RERE: variants seen among roughly 807,000 people sequenced by gnomAD.
The protein encoded by RERE is arginine-glutamic acid dipeptide repeats protein.
In RERE, 40 loss-of-function variants were observed where a neutral mutation model predicts 146.1. That is an observed-to-expected ratio of 0.27 (90% CI 0.21 to 0.36). The LOEUF is 0.36. Ranked by LOEUF, RERE falls within the 10% of genes least tolerant of loss-of-function variation. The probability of loss-of-function intolerance (pLI) is 1.00; values close to 1 mark genes in which losing one functional copy is unlikely to be tolerated. For synonymous variants in RERE, 1,003 were observed against 866.0 expected, an observed-to-expected ratio of 1.16 and a Z score of -2.78; for missense variants, 1,933 against 2,138.7, an observed-to-expected ratio of 0.90 and a Z score of 1.90.
chr1:8,437,201 G>A (rs542787127), intron 11 of RERE, among the ~76,000 whole-genome samples: 2 of 152,254 alleles, frequency 1.3e-5, no homozygotes, highest in East Asian at 1.9e-4. Flanking sequence ...AGGGCCTTCC[G>A]TCAGCTCCTG....
intron 1 of RERE, among the ~76,000 whole-genome samples, chr1:8,742,447 G>A (rs990731044): frequency 2.0e-5 from 3 of 152,164 alleles, no homozygotes; most frequent in African/African-American, 7.2e-5. Flanking sequence ...CCGTAATAGT[G>A]AGTAGCAATC....
chr1:8,566,857 C>T (rs1435212032), intron 4 of RERE, among the ~76,000 whole-genome samples: 3 of 149,444 alleles, frequency 2.0e-5, no homozygotes, highest in African/African-American at 7.4e-5. Context: ...GTGGTGCGAT[C>T]TCGGCTCACT....
At chr1:8,767,432 C>G (rs1640869009) in intron 1 of RERE, among the ~76,000 whole-genome samples, 1 of 152,050 alleles carries the variant, frequency 6.6e-6, no homozygotes, top group Admixed American at 6.6e-5. Context: ...GAAATCTCAT[C>G]TCTACAAAAA....
At chr1:8,467,866 G>A (rs950721336) in intron 10 of RERE, among the ~76,000 whole-genome samples, 3 of 152,090 alleles carry the variant, frequency 2.0e-5, no homozygotes, top group South Asian at 2.1e-4. Flanking sequence ...GAATGGTCTC[G>A]ATCTCTTGAC....
At chr1:8,606,435 A>T (rs924486287) in intron 4 of RERE, among the ~76,000 whole-genome samples, 13 of 151,656 alleles carry the variant, frequency 8.6e-5, no homozygotes, top group African/African-American at 2.4e-4. Flanking sequence ...TACATACTTT[A>T]AAAAAAAATT....
intron 1 of RERE, among the ~76,000 whole-genome samples, chr1:8,683,253 C>T (rs1639013981): frequency 6.6e-6 from 1 of 152,058 alleles, no homozygotes; most frequent in South Asian, 2.1e-4. Flanking sequence ...AAGTCTATAC[C>T]ACACATGTAC....
chr1:8,740,748 C>A (rs1273131481), intron 1 of RERE, among the ~76,000 whole-genome samples: 1 of 152,156 alleles, frequency 6.6e-6, no homozygotes, highest in East Asian at 1.9e-4. Flanking sequence ...ATCACTGCTG[C>A]TCTTGCACCG....
intron 12 of RERE, among the ~76,000 whole-genome samples, chr1:8,390,630 C>A (rs1013301043): frequency 7.0e-6 from 1 of 142,092 alleles, no homozygotes; most frequent in Non-Finnish European, 1.5e-5. Context: ...CAACTAATTC[C>A]TTTCTATCTA....
At chr1:8,520,189 T>A (rs897336387) in intron 7 of RERE, among the ~76,000 whole-genome samples, 1 of 152,174 alleles carries the variant, frequency 6.6e-6, no homozygotes, top group African/African-American at 2.4e-5. Flanking sequence ...TCCAAAATCA[T>A]AAAATTCTAA....
At chr1:8,509,892 T>G (rs1645310326) in intron 7 of RERE, among the ~76,000 whole-genome samples, 1 of 152,224 alleles carries the variant, frequency 6.6e-6, no homozygotes, top group African/African-American at 2.4e-5. Context: ...ATACCCACTG[T>G]GTTTGAAATT....
At chr1:8,426,197 G>A (rs1644009745) in intron 11 of RERE, among the ~76,000 whole-genome samples, 1 of 152,162 alleles carries the variant, frequency 6.6e-6, no homozygotes, top group African/African-American at 2.4e-5. Context: ...GCTCATGCCT[G>A]TAATCCTAGC....
At chr1:8,643,844 G>C (rs550654724) in intron 2 of RERE, among the ~76,000 whole-genome samples, 12 of 152,314 alleles carry the variant, frequency 7.9e-5, no homozygotes, top group African/African-American at 2.6e-4. Flanking sequence ...TCCTGCTGAT[G>C]CAACAGCCAG....
At chr1:8,414,714 T>G (rs12083934) in intron 12 of RERE, among the ~76,000 whole-genome samples, 107 of 152,274 alleles carry the variant, frequency 7.0e-4, no homozygotes, top group African/African-American at 2.5e-3. Context: ...CCATTAATAC[T>G]GAAACTTAAT....
chr1:8,600,277 T>A (rs550708246), intron 4 of RERE, among the ~76,000 whole-genome samples: 1 of 152,200 alleles, frequency 6.6e-6, no homozygotes, highest in Non-Finnish European at 1.5e-5. Flanking sequence ...TATGTCTTAA[T>A]TAGTGGCCTG....
chr1:8,616,237 T>C (rs1053590606), intron 3 of RERE, among the ~76,000 whole-genome samples: 1 of 152,230 alleles, frequency 6.6e-6, no homozygotes, highest in Non-Finnish European at 1.5e-5. Context: ...ACTTTGGCAT[T>C]ATTTTAAACA....
At chr1:8,664,281 G>A (rs1322356300) in intron 1 of RERE, among the ~76,000 whole-genome samples, 1 of 152,046 alleles carries the variant, frequency 6.6e-6, no homozygotes, top group Non-Finnish European at 1.5e-5. Flanking sequence ...TCCTCTCCAG[G>A]GCCTATCTAA....
chr1:8,420,145 G>T (rs59668045), intron 12 of RERE, among the ~76,000 whole-genome samples: 4,042 of 152,244 alleles, frequency 0.027, 189 homozygotes, highest in African/African-American at 0.092. Flanking sequence ...GAATAACAAA[G>T]AAATGAGTTA....
intron 1 of RERE, among the ~76,000 whole-genome samples, chr1:8,763,892 G>A (rs1008646671): frequency 6.8e-6 from 1 of 148,146 alleles, no homozygotes; most frequent in Non-Finnish European, 1.5e-5. Context: ...AGTAAGCCGA[G>A]ATCACGCCAC....
intron 1 of RERE, among the ~76,000 whole-genome samples, chr1:8,728,633 A>G (rs978365273): frequency 4.6e-5 from 7 of 152,328 alleles, no homozygotes; most frequent in Middle Eastern, 3.4e-3. Flanking sequence ...TTCTCTAGGC[A>G]CCTGTGGTAT....
Sources: allele counts gnomAD v4.1 joint callset (sites outside exome capture counted in the v4.1 genomes callset), GRCh38; gene constraint gnomAD v4.1.1; transcripts MANE v1.5; gene names NCBI Gene and HGNC (gene_info 2026-07-23, HGNC 2026-07-21).